Variants in ANTXR1 observed in about 807,000 individuals in gnomAD.
The protein encoded by ANTXR1 is ANTXR cell adhesion molecule 1, also known as anthrax toxin receptor 1.
Under a neutral mutation model 78.1 loss-of-function variants are expected in ANTXR1, and 19 were observed. That is an observed-to-expected ratio of 0.24 (90% confidence interval 0.17 to 0.36). The LOEUF (loss-of-function observed/expected upper bound fraction) is 0.36. Among genes scored for constraint, ANTXR1 ranks in the 10% least tolerant of loss-of-function variants. The pLI, the probability that ANTXR1 is intolerant of heterozygous loss-of-function variation, is 1.00. For synonymous variants in ANTXR1, 273 were observed against 260.5 expected (o/e 1.05, Z -0.46); for missense variants, 518 against 718.6 (o/e 0.72, Z 3.19).
intron 13 of ANTXR1, among the ~76,000 whole-genome samples, chr2:69,154,865 C>G (rs1364921500): frequency 6.6e-6 from 1 of 152,164 alleles, no homozygotes; most frequent in Non-Finnish European, 1.5e-5. Context: ...CCCACAGTGG[C>G]TGGGTATGTG....
chr2:69,065,070 G>T (rs1328598093), intron 3 of ANTXR1, among the ~76,000 whole-genome samples: 2 of 152,016 alleles, frequency 1.3e-5, no homozygotes, highest in Non-Finnish European at 2.9e-5. Context: ...AAATAATACA[G>T]AAAATCACAA....
rs369671001 is a variant in ANTXR1, at chr2:69,163,027, GCCA to G, written c.1048-7218_1048-7216del. 6.2e-3 allele frequency among the ~76,000 whole-genome samples: 945 copies of G among 152,182 alleles called. 9 individuals carry two copies. Among genetic ancestry groups the G allele is most frequent in the African/African-American group, 0.022 (896 of 41,528 alleles). The stretch of plus-strand genomic sequence containing the variant: ...AAAAAATAATAAACTCAATAAAAAT[GCCA>G]CCGTTTTAAACACCTTAAATTCTTA... On this transcript the variant is annotated intron_variant, in intron 13 of 17. Transcript: ENST00000303714.
At chr2:69,146,275 C>T in intron 12 of ANTXR1, 14 of 985,462 alleles carry the variant, frequency 1.4e-5, no homozygotes, top group Non-Finnish European at 1.7e-5. Flanking sequence ...CACAGAAGTG[C>T]TTCCAGCTCC....
intron 12 of ANTXR1, among the ~76,000 whole-genome samples, chr2:69,146,752 T>A (rs1211624843): frequency 6.6e-6 from 1 of 152,208 alleles, no homozygotes. Flanking sequence ...CCCTGCCAGC[T>A]CTCATCTGAG....
chr2:69,148,223 G>A (rs1673284318), intron 12 of ANTXR1, among the ~76,000 whole-genome samples: 1 of 152,124 alleles, frequency 6.6e-6, no homozygotes, highest in Admixed American at 6.5e-5. Flanking sequence ...CTCCCACAGT[G>A]GGGACCCCAC....
chr2:69,233,649 C>A (rs1675682114), intron 17 of ANTXR1, among the ~76,000 whole-genome samples: 3 of 151,654 alleles, frequency 2.0e-5, no homozygotes. Context: ...TTTTTAAACA[C>A]TTAAACTGGA....
Position 69,075,607 on chromosome 2 carries a change from T to C in ANTXR1, c.510T>C (p.Asp170=). The C allele has an allele frequency of 1.2e-6, 2 of 1,614,142 alleles. No homozygotes were observed. The highest frequency in any genetic ancestry group is 1.7e-6 in the Non-Finnish European group (2 of 1,179,994). Residue 170 remains aspartate, a synonymous_variant, in exon 7 of 18, where the codon GAT becomes GAC. Transcript: ENST00000303714. ...YSEREANRSR[D]LGAIVYCVGV... is the part of the protein sequence containing the mutation. Reference sequence around the variant, plus strand: ...TTTCCCAGGCTAATAGGTCTCGAGATCTTGGTGCAATTGTTTACTGTGTTG... The same window carrying C: ...TTTCCCAGGCTAATAGGTCTCGAGACCTTGGTGCAATTGTTTACTGTGTTG...
intron 9 of ANTXR1, among the ~76,000 whole-genome samples, chr2:69,091,558 A>AC (rs982217684): frequency 8.6e-5 from 13 of 151,816 alleles, no homozygotes; most frequent in African/African-American, 2.9e-4. Context: ...CCAACACCCT[A>AC]CCTCTGGATA....
chr2:69,174,632 A>G lies in ANTXR1; in HGVS notation c.1089+4343A>G, dbSNP rs186036117. Among the ~76,000 whole-genome samples the G allele has an allele frequency of 8.0e-4, 121 of 151,848 alleles. 2 individuals carry two copies. In the East Asian group the frequency reaches 0.02, roughly 25 times the overall value. ...AGAGCAAGACTCTATCTCAAAAAAA[A>G]AAAGAGAGAGAGAGAGAGTGTAACT... On this transcript the variant is annotated intron_variant, in intron 14 of 17. Transcript: ENST00000303714.
chr2:69,149,722 T>A (rs766109695), intron 12 of ANTXR1, among the ~76,000 whole-genome samples: 1 of 152,210 alleles, frequency 6.6e-6, no homozygotes, highest in Non-Finnish European at 1.5e-5. Context: ...TTTGACAAGA[T>A]AGCTTACATC....
intron 17 of ANTXR1, among the ~76,000 whole-genome samples, chr2:69,226,717 C>A (rs763596826): frequency 5.9e-5 from 9 of 152,194 alleles, no homozygotes; most frequent in Non-Finnish European, 1.3e-4. Context: ...GAGCTTTCTG[C>A]TGAGTCCACT....
At chr2:69,093,386 T>C (rs1671299610) in intron 9 of ANTXR1, among the ~76,000 whole-genome samples, 1 of 152,202 alleles carries the variant, frequency 6.6e-6, no homozygotes, top group African/African-American at 2.4e-5. Flanking sequence ...CTCCACCACT[T>C]AGACAATGGA....
chr2:69,114,424 C>T (rs1170000475), intron 10 of ANTXR1, among the ~76,000 whole-genome samples: 1 of 152,228 alleles, frequency 6.6e-6, no homozygotes, highest in Non-Finnish European at 1.5e-5. Flanking sequence ...AACAGACAAT[C>T]CAGATATCTG....
rs1159917378 is a variant in ANTXR1, at chr2:69,170,289, G to A, written c.1089G>A (p.Glu363=). 13 of 1,613,954 alleles carry A rather than the reference G, an allele frequency of 8.1e-6. No homozygotes were observed. Among genetic ancestry groups the A allele is most frequent in the Non-Finnish European group, 1.1e-5 (13 of 1,180,032 alleles). The change falls in exon 14 of 18, where the codon GAG becomes GAA. Residue 363 remains glutamate (E), a splice_region_variant and synonymous_variant. Coordinates refer to ENST00000303714, the MANE Select transcript of ANTXR1 (RefSeq NM_032208.3). ...EVPPPPAEES[E]EEDDDGLPKK... ...CTCCACCCCCTGCCGAGGAGAGTGA[G>A]GTAAGTGACCACAGCAGGATGGCAG...
intron 16 of ANTXR1, 112 bp downstream of exon 16, chr2:69,182,772 C>T: frequency 7.4e-7 from 1 of 1,353,464 alleles, no homozygotes; most frequent in East Asian, 2.3e-5. Flanking sequence ...CAGCTTATCA[C>T]AGGGGAACAA....
intron 9 of ANTXR1, among the ~76,000 whole-genome samples, chr2:69,092,670 A>G (rs543617855): frequency 6.6e-6 from 1 of 152,204 alleles, no homozygotes. Context: ...CTCTTTAAGA[A>G]TTCAGAAATC....
intron 17 of ANTXR1, among the ~76,000 whole-genome samples, chr2:69,193,677 A>T (rs747255708): frequency 2.0e-5 from 3 of 152,212 alleles, no homozygotes; most frequent in Non-Finnish European, 4.4e-5. Flanking sequence ...AAGGATTTTG[A>T]CAGTAATATG....
intron 17 of ANTXR1, among the ~76,000 whole-genome samples, chr2:69,213,921 G>T (rs945933215): frequency 1.3e-5 from 2 of 152,254 alleles, no homozygotes; most frequent in Non-Finnish European, 2.9e-5. Context: ...GTATGTGGGG[G>T]CACTAAGCAT....
At chr2:69,084,512 A>G (rs1024426198) in intron 8 of ANTXR1, among the ~76,000 whole-genome samples, 52 of 151,832 alleles carry the variant, frequency 3.4e-4, no homozygotes, top group African/African-American at 1.1e-3. Flanking sequence ...TGTATTTGGT[A>G]TAGTGTATTA....
Sources: gnomAD v4.1 joint callset for allele counts (sites outside exome capture counted in the v4.1 genomes callset) on GRCh38, gnomAD v4.1.1 for gene constraint, MANE v1.5 for transcripts, NCBI Gene and HGNC (gene_info 2026-07-23, HGNC 2026-07-21) for gene names.